The following RGS6 variants were observed in gnomAD, a reference collection of about 807,000 sequenced individuals.
The protein encoded by RGS6 is regulator of G-protein signaling 6.
Under a neutral mutation model 78.5 loss-of-function variants are expected in RGS6, and 30 were observed. The ratio of observed to expected loss-of-function variants is 0.38; its 90% CI spans 0.29 to 0.52. The LOEUF is 0.52. RGS6 is among the 20% of genes least tolerant of loss of function. The pLI is 0.85. For synonymous variants in RGS6, 206 were observed against 206.0 expected, an observed-to-expected ratio of 1.00 and a Z score of 0.00; for missense variants, 495 against 609.7, an observed-to-expected ratio of 0.81 and a Z score of 1.98.
the RGS6 span, among the ~76,000 whole-genome samples, chr14:72,599,127 G>A: frequency 6.6e-6 from 1 of 152,210 alleles, no homozygotes; most frequent in Non-Finnish European, 1.5e-5. Context: ...CAGGGGAGGG[G>A]AAAGGAGGGC....
At chr14:72,545,790 C>T (rs1372318456) in intron 17 of RGS6, among the ~76,000 whole-genome samples, 3 of 152,158 alleles carry the variant, frequency 2.0e-5, no homozygotes, top group Non-Finnish European at 4.4e-5. Context: ...GTTCAGGGTT[C>T]ACTCGTCCAC....
At chr14:72,189,655 A>AT (rs2153714378) in intron 2 of RGS6, among the ~76,000 whole-genome samples, 1 of 152,124 alleles carries the variant, frequency 6.6e-6, no homozygotes, top group Non-Finnish European at 1.5e-5. Context: ...TGAAGAATAG[A>AT]TTTTCGGTGG....
chr14:72,379,500 A>G (rs1020534632), intron 3 of RGS6, among the ~76,000 whole-genome samples: 1 of 152,156 alleles, frequency 6.6e-6, no homozygotes, highest in African/African-American at 2.4e-5. Context: ...TACAAAATCA[A>G]CATACAAAGA....
intron 6 of RGS6, among the ~76,000 whole-genome samples, chr14:72,460,313 G>T (rs1018145390): frequency 3.3e-5 from 5 of 152,138 alleles, no homozygotes; most frequent in African/African-American, 1.2e-4. Flanking sequence ...TTTTATTATC[G>T]CTATGCTTAA....
chr14:72,258,946 A>T (rs1244830822), intron 2 of RGS6, among the ~76,000 whole-genome samples: 1 of 152,178 alleles, frequency 6.6e-6, no homozygotes, highest in Non-Finnish European at 1.5e-5. Context: ...CCAAGGAGAA[A>T]ATGGAAACCT....
intron 3 of RGS6, among the ~76,000 whole-genome samples, chr14:72,429,913 G>A (rs1436893244): frequency 6.6e-6 from 1 of 152,138 alleles, no homozygotes; most frequent in African/African-American, 2.4e-5. Context: ...TTTACAAAGG[G>A]CTCTTCCCCA....
At chr14:71,918,184 CAAAAAAAAAAAAAAAAAAAAAAAAA>C in the RGS6 span, among the ~76,000 whole-genome samples, 1 of 33,724 alleles carries the variant, frequency 3.0e-5, no homozygotes, top group African/African-American at 9.0e-5. Context: ...ACTCCAGTCT[CAAAAAAAAAAAAAAAAAAAAAAAAA>C]AAAAAAAAAA....
chr14:72,503,271 G>T (rs1231023843), intron 13 of RGS6, among the ~76,000 whole-genome samples: 2 of 152,174 alleles, frequency 1.3e-5, no homozygotes, highest in Non-Finnish European at 2.9e-5. Context: ...TAAATTTGAA[G>T]GGGAACACAG....
chr14:72,076,169 G>A (rs780703972), intron 2 of RGS6, among the ~76,000 whole-genome samples: 2 of 152,170 alleles, frequency 1.3e-5, no homozygotes, highest in Non-Finnish European at 2.9e-5. Context: ...GCCATCCAGA[G>A]CAGCGTGCGC....
At chr14:72,162,185 G>A (rs1244193446) in intron 2 of RGS6, among the ~76,000 whole-genome samples, 1 of 150,144 alleles carries the variant, frequency 6.7e-6, no homozygotes. Context: ...TAGTACAGCA[G>A]AAAAAAAAAA....
At chr14:72,602,626 C>T in the RGS6 span, among the ~76,000 whole-genome samples, 1 of 152,206 alleles carries the variant, frequency 6.6e-6, no homozygotes, top group Non-Finnish European at 1.5e-5. Context: ...AACGGATCAC[C>T]GAAGGTTAGA....
chr14:72,507,015 A>AAAAG (rs2096813914), intron 13 of RGS6, among the ~76,000 whole-genome samples: 3 of 132,274 alleles, frequency 2.3e-5, no homozygotes, highest in Admixed American at 1.5e-4. Context: ...AAAAAAAAAA[A>AAAAG]AAAATTAGCT....
chr14:72,452,459 T>C (rs1371536158), intron 3 of RGS6, among the ~76,000 whole-genome samples: 1 of 152,208 alleles, frequency 6.6e-6, no homozygotes, highest in Non-Finnish European at 1.5e-5. Context: ...GCAGGGTTAC[T>C]TCACCTGCCA....
At chr14:72,052,509 T>C (rs976756012) in intron 2 of RGS6, among the ~76,000 whole-genome samples, 2 of 152,154 alleles carry the variant, frequency 1.3e-5, no homozygotes, top group Non-Finnish European at 2.9e-5. Context: ...GATCTACTTG[T>C]TTCCAGATGG....
rs564175887 is a variant in RGS6, at chr14:72,460,227, G to A, written c.394+544G>A. ...GTTGAGAGTTCTGTCTCTCTAGACA[G>A]GGACCTACAAGACTTCTGCCAGATA... On this transcript the variant is annotated intron_variant, in intron 6 of 17. Transcript: ENST00000553525. Among the ~76,000 whole-genome samples, 20 of 152,316 alleles carry A rather than the reference G, an allele frequency of 1.3e-4. No individual in the cohort carries two copies. The South Asian group carries it at 4.1e-3, about 32-fold the overall frequency.
rs11851100 is a variant in RGS6 at position 71,981,949 on chromosome 14, G to A, written c.84+17074G>A. Among the ~76,000 whole-genome samples, 978 of 151,560 alleles carry A rather than the reference G, an allele frequency of 6.5e-3. 15 individuals carry two copies. The highest frequency in any genetic ancestry group is 0.022 in the African/African-American group (921 of 41,354). On this transcript the variant is annotated intron_variant, in intron 2 of 17. Transcript: ENST00000553525. ...TAGCCATCAGCGAGACTCCGTGGGC[G>A]TAGGACCCTCCGAGCCAGGTGTGGG... is the stretch of plus-strand genomic sequence containing the variant.
At chr14:72,161,692 A>G (rs1396290450) in intron 2 of RGS6, among the ~76,000 whole-genome samples, 1 of 152,182 alleles carries the variant, frequency 6.6e-6, no homozygotes, top group Non-Finnish European at 1.5e-5. Context: ...TCTTTCTACA[A>G]CCTTAGCAAG....
chr14:72,012,408 GT>G (rs1216146680), intron 2 of RGS6, among the ~76,000 whole-genome samples: 1 of 152,100 alleles, frequency 6.6e-6, no homozygotes, highest in East Asian at 1.9e-4. Context: ...TTTAAAGAAT[GT>G]CATGAACATT....
chr14:71,973,959 A>C (rs1375540699), intron 2 of RGS6, among the ~76,000 whole-genome samples: 2 of 152,186 alleles, frequency 1.3e-5, no homozygotes, highest in Non-Finnish European at 2.9e-5. Context: ...GGAATAGCTC[A>C]GTGTGGTTTC....
Sources: gnomAD v4.1 joint callset for allele counts (sites outside exome capture counted in the v4.1 genomes callset) on GRCh38, gnomAD v4.1.1 for gene constraint, MANE v1.5 for transcripts, NCBI Gene and HGNC (gene_info 2026-07-23, HGNC 2026-07-21) for gene names.